Variants in OR51E2 observed in about 807,000 individuals in gnomAD.
OR51E2 encodes olfactory receptor family 51 subfamily E member 2.
OR51E2 carries 14 observed loss-of-function variants against 13.7 expected under a neutral mutation model. That is an observed-to-expected ratio of 1.02 (90% CI 0.68 to 1.60). The LOEUF is 1.60. Ranked by LOEUF, OR51E2 falls within the 40% of genes most tolerant of loss-of-function variation. OR51E2 has a pLI of 0.00. For missense variants in OR51E2, 483 were observed against 413.8 expected (o/e 1.17, Z -1.45); for synonymous variants, 180 against 157.6 (o/e 1.14, Z -1.07).
At chr11:4,695,010 C>G (rs139032061) in intron 1 of OR51E2, among the ~76,000 whole-genome samples, 1 of 152,042 alleles carries the variant, frequency 6.6e-6, no homozygotes, top group Non-Finnish European at 1.5e-5. Context: ...ATAACATAAG[C>G]CAGTTTGTTG....
rs1394584475 is a variant in OR51E2, at chr11:4,682,674, A to T, written c.38T>A (p.Leu13His). Residue 13 changes from leucine (L) to histidine (H), a missense_variant, in exon 2 of 2, where the codon CTT becomes CAT. Physicochemically the swap from Leu to His is moderately conservative, Grantham distance 99 (BLOSUM62 -3). Transcript: ENST00000396950. ...TTTCTCTAATCCTGGGATACCAATA[A>T]GCACAAAGGTGGCATGTGTGAAGTT... Reference protein sequence around the residue: ...SCNFTHATFVLIGIPGLEKAH... With the variant: ...SCNFTHATFVHIGIPGLEKAH... 6.2e-7 allele frequency: 1 copy of T among 1,614,018 alleles called. No homozygotes were observed. The highest frequency in any genetic ancestry group is 2.2e-5 in the East Asian group (1 of 44,886).
intron 1 of OR51E2, chr11:4,685,850 G>GT (rs1417678017): frequency 3.9e-5 from 6 of 152,128 alleles, no homozygotes; most frequent in Non-Finnish European, 5.9e-5. Flanking sequence ...TTCCAGTGAC[G>GT]TGTCCCCTAC....
rs1285255514 is a variant in OR51E2, at chr11:4,682,331, G to A, written c.381C>T (p.His127=). Residue 127 remains histidine, a synonymous_variant, in exon 2 of 2, where the codon CAC becomes CAT. Transcript: ENST00000396950. The part of the protein sequence containing the change: ...MAFDRYVAIC[H]PLRHAAVLNN... ...TGAGCACTGCAGCATGGCGCAGTGG[G>A]TGGCAGATGGCCACATAACGGTCAA... 6.2e-7 allele frequency: 1 copy of A among 1,614,200 alleles called. No homozygotes were observed. The highest frequency in any genetic ancestry group is 1.1e-5 in the South Asian group (1 of 91,082).
chr11:4,691,680 G>A (rs756098551), intron 1 of OR51E2: 9 of 379,870 alleles, frequency 2.4e-5, no homozygotes, highest in Non-Finnish European at 3.6e-5. Flanking sequence ...GGAAGTGGAG[G>A]TGATATTCTG....
In OR51E2 at chr11:4,681,282, G is replaced by A. The variant is rs923784186; in HGVS notation, c.*467C>T. ...CAGAAGAATTACTTCAACATGGGAT[G>A]TGGAGGTTGCAGTGAGCCGAGATCG... On this transcript the variant is annotated 3_prime_UTR_variant, in exon 2 of 2. Coordinates refer to ENST00000396950, the MANE Select transcript of OR51E2 (RefSeq NM_030774.4). 1.8e-5 allele frequency: 3 copies of A among 168,200 alleles called. No individual in the cohort carries two copies. Among genetic ancestry groups the A allele is most frequent in the African/African-American group, 7.2e-5 (3 of 41,546 alleles). The allele number at this position is 168,200 out of a possible 1,614,324, so 10.4% of individuals were successfully genotyped here. A position where few individuals can be genotyped will look rare whatever the true frequency, so the allele number is the denominator to read the frequency against.
rs1051114199 is a variant in OR51E2, at chr11:4,682,092, C to T, written c.620G>A (p.Gly207Asp). Residue 207 changes from glycine (G) to aspartate (D), a missense_variant, in exon 2 of 2, where the codon GGC becomes GAC. Coordinates refer to ENST00000396950, the MANE Select transcript of OR51E2 (RefSeq NM_030774.4). The part of the protein sequence containing the change: ...YGLTAILLVM[G>D]VDVMFISLSY... ...CAAGGAGATGAACATTACGTCCACG[C>T]CCATGACCAGCAGAATGGCAGTAAG... 1 of 1,614,190 alleles carries T rather than the reference C, an allele frequency of 6.2e-7. No homozygotes were observed. Among genetic ancestry groups the T allele is most frequent in the Admixed American group, 1.7e-5 (1 of 60,032 alleles).
In OR51E2 at chr11:4,692,154, A is replaced by T. The variant is rs180685335; in HGVS notation, c.-51+5499T>A. On this transcript the variant is annotated intron_variant, in intron 1 of 1. Transcript: ENST00000396950. ...ACTGGGGCTGTGGAACAGCAATATT[A>T]CATTGGTCATAAGTGTGGAAAGCAG... 5.7e-5 allele frequency: 26 copies of T among 452,864 alleles called. No individual in the cohort carries two copies. The Admixed American group carries it at 6.0e-4, about 10-fold the overall frequency. 28.1% of individuals were successfully genotyped at this position (452,864 alleles called of 1,614,324 possible).
At position 4,681,935 on chromosome 11, in the gene OR51E2, C is replaced by A. The variant is rs1123991; in HGVS notation, c.777G>T (p.Val259=). The change falls in exon 2 of 2, where the codon GTG becomes GTT. Residue 259 remains valine, a synonymous_variant. Transcript: ENST00000396950. ...AFYVPLIGLS[V]VHRFGNSLHP... ...GAAGGCTGTTTCCAAAGCGGTGTAC[C>A]ACTGAGAGGCCAATAAGTGGCACAT... The A allele has an allele frequency of 0.83, 1,340,686 of 1,613,970 alleles. 560,314 individuals carry two copies. Among genetic ancestry groups the A allele is most frequent in the South Asian group, 0.87 (79,093 of 91,080 alleles).
chr11:4,693,764 A>T (rs2133252827), intron 1 of OR51E2, among the ~76,000 whole-genome samples: 1 of 152,242 alleles, frequency 6.6e-6, no homozygotes, highest in East Asian at 1.9e-4. Flanking sequence ...GCAACAGTGC[A>T]CTTGTAACAC....
At chr11:4,692,729 G>C (rs1322289700) in intron 1 of OR51E2, among the ~76,000 whole-genome samples, 1 of 151,972 alleles carries the variant, frequency 6.6e-6, no homozygotes, top group African/African-American at 2.4e-5. Context: ...AAAAGAAAGG[G>C]TGCTGGGTGG....
intron 1 of OR51E2, among the ~76,000 whole-genome samples, chr11:4,684,803 C>T (rs993839659): frequency 6.6e-6 from 1 of 152,170 alleles, no homozygotes; most frequent in Non-Finnish European, 1.5e-5. Flanking sequence ...TGCCTGGCAT[C>T]CTGCCTAAAG....
At chr11:4,691,740 CA>C (rs373184335) in intron 1 of OR51E2, 20 of 335,154 alleles carry the variant, frequency 6.0e-5, no homozygotes, top group East Asian at 1.5e-4. Flanking sequence ...AGAGCTTAAA[CA>C]AAAAAAAGCT....
At chr11:4,687,604 T>A (rs2133248067) in intron 1 of OR51E2, among the ~76,000 whole-genome samples, 1 of 152,356 alleles carries the variant, frequency 6.6e-6, no homozygotes, top group East Asian at 1.9e-4. Context: ...AGATAGTATT[T>A]CTTCATTAAT....
chr11:4,690,802 T>C, intron 1 of OR51E2: 1 of 433,650 alleles, frequency 2.3e-6, no homozygotes, highest in Non-Finnish European at 4.6e-6. Flanking sequence ...GCTCTACGTA[T>C]CTGTTTGGTT....
Position 4,681,350 on chromosome 11 carries a change from CAA to C in OR51E2, c.*397_*398del, listed in dbSNP as rs754884124. ...CTGGTGACAGAGCGAGACCCCATCTCAAAAAAAAAAAAAGTTGTATGTGACAG... is the reference window on the plus strand; with the variant it reads ...CTGGTGACAGAGCGAGACCCCATCTCAAAAAAAAAAAGTTGTATGTGACAG... On this transcript the variant is annotated 3_prime_UTR_variant, in exon 2 of 2. Transcript: ENST00000396950. 227 of 134,226 alleles carry C rather than the reference CAA, an allele frequency of 1.7e-3. No individual in the cohort carries two copies. The highest frequency in any genetic ancestry group is 4.5e-3 in the South Asian group (33 of 7,388). 8.3% of individuals were successfully genotyped at this position (134,226 alleles called of 1,614,324 possible). A position where few individuals can be genotyped will look rare whatever the true frequency, so the allele number is the denominator to read the frequency against.
chr11:4,682,472 G>T lies in OR51E2; in HGVS notation c.240C>A (p.Ile80=). Residue 80 remains isoleucine (I), a synonymous_variant, in exon 2 of 2, where the codon ATC becomes ATA. Transcript: ENST00000396950. ...GGGAATCAAACCAGAAAAGGGCAAG[G>T]ATCTTAGGCATGGTGGATGTGGATA... ...LALSTSTMPK[I]LALFWFDSRE... 1 of 1,614,240 alleles carries T rather than the reference G, an allele frequency of 6.2e-7. No homozygotes were observed. The highest frequency in any genetic ancestry group is 2.2e-5 in the East Asian group (1 of 44,882).
Position 4,681,934 on chromosome 11 carries a change from C to T in OR51E2, c.778G>A (p.Val260Ile). The T allele has an allele frequency of 6.2e-7, 1 of 1,614,062 alleles. No homozygotes were observed. The highest frequency in any genetic ancestry group is 1.3e-5 in the African/African-American group (1 of 75,020). ...FYVPLIGLSVVHRFGNSLHPI... is the reference protein window; with the variant it reads ...FYVPLIGLSVIHRFGNSLHPI... Reference sequence around the variant, plus strand: ...TGAAGGCTGTTTCCAAAGCGGTGTACCACTGAGAGGCCAATAAGTGGCACA... The same window carrying T: ...TGAAGGCTGTTTCCAAAGCGGTGTATCACTGAGAGGCCAATAAGTGGCACA... The change falls in exon 2 of 2, where the codon GTA (valine) becomes ATA (isoleucine). Residue 260 changes from valine to isoleucine, a missense_variant. Physicochemically the swap from Val to Ile is conservative, Grantham distance 29. Transcript: ENST00000396950.
At chr11:4,684,034 A>G (rs985727009) in intron 1 of OR51E2, among the ~76,000 whole-genome samples, 3 of 152,216 alleles carry the variant, frequency 2.0e-5, no homozygotes, top group Middle Eastern at 3.2e-3. Flanking sequence ...GATGCCCTTC[A>G]GTTTGGCCTT....
intron 1 of OR51E2, among the ~76,000 whole-genome samples, chr11:4,696,729 C>A (rs544263507): frequency 6.6e-6 from 1 of 152,102 alleles, no homozygotes; most frequent in Middle Eastern, 3.2e-3. Flanking sequence ...AAGCTATATT[C>A]TCTCAACTAA....
Sources: allele counts gnomAD v4.1 joint callset (sites outside exome capture counted in the v4.1 genomes callset), GRCh38; gene constraint gnomAD v4.1.1; transcripts MANE v1.5; gene names NCBI Gene and HGNC (gene_info 2026-07-23, HGNC 2026-07-21).